FOXN3: variants seen among roughly 807,000 people sequenced by gnomAD.
FOXN3 encodes the protein forkhead box N3, also known as forkhead box protein N3.
In FOXN3, 7 loss-of-function variants were observed where a neutral mutation model predicts 38.4. The ratio of observed to expected loss-of-function variants is 0.18; its 90% CI spans 0.10 to 0.34. The LOEUF (loss-of-function observed/expected upper bound fraction) is 0.34, where lower values mean the gene tolerates loss of function less well. Among genes scored for constraint, FOXN3 ranks in the 10% least tolerant of loss-of-function variants. The probability of loss-of-function intolerance (pLI) is 1.00; values close to 1 mark genes in which losing one functional copy is unlikely to be tolerated. For synonymous variants in FOXN3, 230 were observed against 242.2 expected, an observed-to-expected ratio of 0.95 and a Z score of 0.47; for missense variants, 456 against 613.4, an observed-to-expected ratio of 0.74 and a Z score of 2.71.
chr14:89,442,080 C>G (rs560223673), intron 1 of FOXN3, among the ~76,000 whole-genome samples: 18 of 152,254 alleles, frequency 1.2e-4, no homozygotes, highest in African/African-American at 4.1e-4. Context: ...GCATGCGCCA[C>G]CACGCTTGGC....
intron 4 of FOXN3, among the ~76,000 whole-genome samples, chr14:89,230,479 A>G (rs1217942251): frequency 6.6e-5 from 10 of 152,208 alleles, no homozygotes; most frequent in African/African-American, 2.4e-4. Flanking sequence ...TTTTCTCCCA[A>G]TGGGTTATTG....
At chr14:89,258,164 T>G (rs1885684432) in intron 4 of FOXN3, among the ~76,000 whole-genome samples, 1 of 152,054 alleles carries the variant, frequency 6.6e-6, no homozygotes, top group Non-Finnish European at 1.5e-5. Flanking sequence ...AGCAGTGGTG[T>G]TTGCCTGGCT....
In FOXN3 at chr14:89,453,160, T is replaced by C. The variant is rs149851858; in HGVS notation, c.-14-40670A>G. 5.7e-4 allele frequency among the ~76,000 whole-genome samples: 86 copies of C among 151,972 alleles called. 1 individual carries two copies. The highest frequency in any genetic ancestry group is 2.0e-3 in the African/African-American group (82 of 41,424). On this transcript the variant is annotated intron_variant, in intron 1 of 6. Transcript: ENST00000345097. ...GTTGCAGCGAGCCGAGACGGCGCCA[T>C]TGCACTCCAGCTTGGGAGACAAGAG...
intron 3 of FOXN3, among the ~76,000 whole-genome samples, chr14:89,292,420 C>A (rs1169759906): frequency 6.6e-6 from 1 of 152,152 alleles, no homozygotes; most frequent in Non-Finnish European, 1.5e-5. Context: ...TCACCTGGGT[C>A]CCCCAGTTCC....
chr14:89,532,166 G>C (rs1416048044), intron 1 of FOXN3, among the ~76,000 whole-genome samples: 2 of 152,172 alleles, frequency 1.3e-5, no homozygotes, highest in Non-Finnish European at 2.9e-5. Flanking sequence ...AGAAGCACTA[G>C]CTTAGAGAAT....
intron 3 of FOXN3, among the ~76,000 whole-genome samples, chr14:89,326,049 T>C (rs150699313): frequency 2.6e-5 from 4 of 152,344 alleles, no homozygotes; most frequent in African/African-American, 9.6e-5. Flanking sequence ...AACACTTTTA[T>C]CAATGATGTA....
intron 1 of FOXN3, among the ~76,000 whole-genome samples, chr14:89,519,552 G>A (rs1006929765): frequency 8.5e-5 from 11 of 129,022 alleles, no homozygotes; most frequent in Non-Finnish European, 1.3e-4. Flanking sequence ...TGTTGGCGAC[G>A]ATTTGGAGGA....
At chr14:89,207,318 CTTTA>C (rs936030707) in intron 4 of FOXN3, among the ~76,000 whole-genome samples, 2 of 151,470 alleles carry the variant, frequency 1.3e-5, no homozygotes, top group East Asian at 3.9e-4. Flanking sequence ...ACGTATGGAA[CTTTA>C]TTTGAGTCTA....
At chr14:89,561,332 C>T (rs1349886336) in intron 1 of FOXN3, among the ~76,000 whole-genome samples, 1 of 152,232 alleles carries the variant, frequency 6.6e-6, no homozygotes, top group Non-Finnish European at 1.5e-5. Flanking sequence ...CTTGCCTCAG[C>T]CTCCCAAGTA....
chr14:89,188,050 C>T (rs1796353851), intron 4 of FOXN3, among the ~76,000 whole-genome samples: 1 of 152,136 alleles, frequency 6.6e-6, no homozygotes, highest in African/African-American at 2.4e-5. Context: ...TCTTTCCTTC[C>T]ACTGTCTTGG....
rs115718281 is a variant in FOXN3, at chr14:89,312,903, C to T, written c.681-31889G>A. On this transcript the variant is annotated intron_variant, in intron 3 of 5. Transcript: ENST00000557258. Reference sequence around the variant, plus strand: ...CACTACCGACTGCCCTGTAAGCTCACAACCACCACCTTCTACAGAAATCCT... The same window carrying T: ...CACTACCGACTGCCCTGTAAGCTCATAACCACCACCTTCTACAGAAATCCT... Among the ~76,000 whole-genome samples the T allele has an allele frequency of 5.9e-3, 906 of 152,310 alleles. 6 individuals are homozygous for T. Among genetic ancestry groups the T allele is most frequent in the African/African-American group, 0.021 (865 of 41,548 alleles).
intron 3 of FOXN3, among the ~76,000 whole-genome samples, chr14:89,310,840 C>T (rs1388970324): frequency 6.6e-6 from 1 of 152,138 alleles, no homozygotes; most frequent in African/African-American, 2.4e-5. Flanking sequence ...GGCACTGTGG[C>T]TCACACCTGT....
intron 1 of FOXN3, among the ~76,000 whole-genome samples, chr14:89,435,028 C>G (rs1892246971): frequency 6.6e-6 from 1 of 152,190 alleles, no homozygotes; most frequent in African/African-American, 2.4e-5. Flanking sequence ...ATACACTGTA[C>G]TGCTAATCAG....
At chr14:89,532,134 T>C (rs1272486853) in intron 1 of FOXN3, among the ~76,000 whole-genome samples, 1 of 152,190 alleles carries the variant, frequency 6.6e-6, no homozygotes, top group African/African-American at 2.4e-5. Flanking sequence ...TTCCAGGTGA[T>C]TCTGATGCAC....
At chr14:89,239,421 G>C (rs1384114563) in intron 4 of FOXN3, among the ~76,000 whole-genome samples, 1 of 152,194 alleles carries the variant, frequency 6.6e-6, no homozygotes, top group Non-Finnish European at 1.5e-5. Flanking sequence ...AATTCAAGTA[G>C]AGTACTTTCA....
At chr14:89,559,888 G>A (rs1300868486) in intron 1 of FOXN3, among the ~76,000 whole-genome samples, 1 of 152,024 alleles carries the variant, frequency 6.6e-6, no homozygotes, top group African/African-American at 2.4e-5. Flanking sequence ...GGAGGAGGAG[G>A]TCTTCCAAAA....
chr14:89,404,228 G>A (rs1021220382), intron 2 of FOXN3, among the ~76,000 whole-genome samples: 7 of 152,030 alleles, frequency 4.6e-5, no homozygotes, highest in Non-Finnish European at 1.0e-4. Context: ...AGCAGGATGG[G>A]GCTGCGCACG....
At chr14:89,398,970 GT>G (rs1274699700) in intron 2 of FOXN3, among the ~76,000 whole-genome samples, 2 of 152,236 alleles carry the variant, frequency 1.3e-5, no homozygotes, top group Non-Finnish European at 2.9e-5. Flanking sequence ...GGCAACAAGA[GT>G]AAAACTTCAT....
intron 1 of FOXN3, among the ~76,000 whole-genome samples, chr14:89,574,633 A>AT (rs1257764865): frequency 6.6e-6 from 1 of 152,218 alleles, no homozygotes; most frequent in Non-Finnish European, 1.5e-5. Context: ...GTGTTGGTAC[A>AT]TAACTGTTAT....
Sources: gnomAD v4.1 joint callset for allele counts (sites outside exome capture counted in the v4.1 genomes callset) on GRCh38, gnomAD v4.1.1 for gene constraint, MANE v1.5 for transcripts, NCBI Gene and HGNC (gene_info 2026-07-23, HGNC 2026-07-21) for gene names.